PRKCZ: variants seen among roughly 807,000 people sequenced by gnomAD.
PRKCZ encodes protein kinase C zeta type.
In PRKCZ, 33 loss-of-function variants were observed where a neutral mutation model predicts 79.5. The ratio of observed to expected loss-of-function variants is 0.41; its 90% CI spans 0.31 to 0.55. The LOEUF (loss-of-function observed/expected upper bound fraction) is 0.55. PRKCZ is among the 20% of genes least tolerant of loss of function. The pLI is 0.19. For missense variants in PRKCZ, 578 were observed against 813.5 expected (o/e 0.71, Z 3.52); for synonymous variants, 342 against 320.9 (o/e 1.07, Z -0.70).
intron 10 of PRKCZ, among the ~76,000 whole-genome samples, chr1:2,161,142 G>T (rs760937232): frequency 1.4e-4 from 21 of 152,346 alleles, no homozygotes; most frequent in Non-Finnish European, 1.6e-4. Flanking sequence ...ACTGACACCC[G>T]TAGGGCCCAG....
rs116408566 is a variant in PRKCZ at position 2,184,994 on chromosome 1, C to T, written c.1764C>T (p.Thr588=). 4.0e-4 allele frequency: 638 copies of T among 1,613,126 alleles called. 2 individuals are homozygous for T. In the African/African-American group the frequency reaches 7.2e-3, roughly 18 times the overall value. The part of the protein sequence containing the change: ...FEYINPLLLS[T]EESV ...ATATCAACCCATTATTGCTGTCCAC[C>T]GAGGAGTCGGTGTGAGGCCGCGTGC... The change falls in exon 18 of 18, where the codon ACC becomes ACT. Residue 588 remains threonine (T), a synonymous_variant. Transcript: ENST00000378567.
chr1:2,085,246 G>A (rs1226296962), intron 4 of PRKCZ, among the ~76,000 whole-genome samples: 28 of 152,218 alleles, frequency 1.8e-4, no homozygotes, highest in Admixed American at 1.6e-3. Flanking sequence ...TCCGAGACAC[G>A]TTGTACCATC....
Position 2,172,035 on chromosome 1 carries a change from G to T in PRKCZ, c.1062-20G>T. On this transcript the variant is annotated intron_variant, in intron 11 of 17. Transcript: ENST00000378567. The surrounding 1 kb of genome is among the most constrained non-coding windows in gnomAD (Gnocchi z 7.8). The stretch of plus-strand genomic sequence containing the variant: ...CCTCTGGCACAGGCACTGCCCCCAT[G>T]ACGGCATCCCCACCCCCAGGTTCTA... The T allele has an allele frequency of 6.3e-7, 1 of 1,583,662 alleles. No individual in the cohort carries two copies. Among genetic ancestry groups the T allele is most frequent in the South Asian group, 1.2e-5 (1 of 85,604 alleles).
intron 4 of PRKCZ, among the ~76,000 whole-genome samples, chr1:2,115,017 G>C (rs1438139109): frequency 6.6e-6 from 1 of 152,268 alleles, no homozygotes; most frequent in Non-Finnish European, 1.5e-5. Context: ...TCCGTGTGTA[G>C]CTTGTCCTCT....
intron 16 of PRKCZ, among the ~76,000 whole-genome samples, chr1:2,176,987 A>G (rs1318871628): frequency 2.0e-5 from 3 of 152,212 alleles, no homozygotes; most frequent in Non-Finnish European, 2.9e-5. Flanking sequence ...CACCTTCGCA[A>G]ATTCTTCATT....
rs1484593228 is a variant in PRKCZ, at chr1:2,128,611, G to C, written c.335-6651G>C. Among the ~76,000 whole-genome samples, 1 of 152,184 alleles carries C rather than the reference G, an allele frequency of 6.6e-6. No homozygotes were observed. On this transcript the variant is annotated intron_variant, in intron 4 of 17. Coordinates refer to ENST00000378567, the MANE Select transcript of PRKCZ (RefSeq NM_002744.6). This position sits in a 1 kb window ranked among gnomAD's most constrained non-coding sequence, Gnocchi z 6.5. Reference sequence around the variant, plus strand: ...CTGAAAGAGGAGGAGCGGCCCCTGTGATCCCCACAATTTTGTTCCCTGCTT... The same window carrying C: ...CTGAAAGAGGAGGAGCGGCCCCTGTCATCCCCACAATTTTGTTCCCTGCTT...
intron 7 of PRKCZ, 106 bp downstream of exon 7, chr1:2,146,214 G>T: frequency 2.6e-6 from 3 of 1,148,556 alleles, no homozygotes; most frequent in Non-Finnish European, 3.8e-6. Flanking sequence ...TGCTCTGCAG[G>T]GGTCATTGTC....
intron 4 of PRKCZ, among the ~76,000 whole-genome samples, chr1:2,087,919 G>A (rs571815439): frequency 1.9e-4 from 29 of 152,222 alleles, no homozygotes; most frequent in South Asian, 4.1e-4. Context: ...CACCCGGGGA[G>A]GCCTGGCTTC....
At chr1:2,089,896 T>A (rs1255945825) in intron 4 of PRKCZ, among the ~76,000 whole-genome samples, 1 of 151,402 alleles carries the variant, frequency 6.6e-6, no homozygotes, top group African/African-American at 2.4e-5. Flanking sequence ...GAGATCCCAT[T>A]AAAAAAAATC....
rs549229341 is a variant in PRKCZ, at chr1:2,178,211, C to G, written c.1575+2898C>G. Among the ~76,000 whole-genome samples the G allele has an allele frequency of 6.6e-6, 1 of 152,354 alleles. No individual in the cohort carries two copies. Among genetic ancestry groups the G allele is most frequent in the African/African-American group, 2.4e-5 (1 of 41,574 alleles). The stretch of plus-strand genomic sequence containing the variant: ...GACCCGAACCCACTCCAGCCTCTCC[C>G]CACACCCTGCAGTGGCTGCTCCGCC... On this transcript the variant is annotated intron_variant, in intron 16 of 17. Coordinates refer to ENST00000378567, the MANE Select transcript of PRKCZ (RefSeq NM_002744.6). This position sits in a 1 kb window ranked among gnomAD's most constrained non-coding sequence, Gnocchi z 4.3.
chr1:2,127,704 G>A lies in PRKCZ; in HGVS notation c.335-7558G>A, dbSNP rs55826501. ...GCGAACGGCGTCTCCCGCGGCTCCCGGTGGCTTTTTAGGACTCTGCGTTCG... is the reference window on the plus strand; with the variant it reads ...GCGAACGGCGTCTCCCGCGGCTCCCAGTGGCTTTTTAGGACTCTGCGTTCG... On this transcript the variant is annotated intron_variant, in intron 4 of 17. Transcript: ENST00000378567. The surrounding 1 kb of genome is among the most constrained non-coding windows in gnomAD (Gnocchi z 5.1). Among the ~76,000 whole-genome samples, 35,823 of 152,158 alleles carry A rather than the reference G, an allele frequency of 0.24. 4,847 individuals carry two copies. Among genetic ancestry groups the A allele is most frequent in the Admixed American group, 0.33 (5,085 of 15,294 alleles).
chr1:2,074,243 G>A (rs1223823478), intron 4 of PRKCZ: 1 of 1,550,502 alleles, frequency 6.4e-7, no homozygotes, highest in African/African-American at 1.4e-5. Context: ...GGCAGGGGCT[G>A]CTGGAGGGAC....
At position 2,127,027 on chromosome 1, in the gene PRKCZ, C is replaced by T. The variant is rs966142544; in HGVS notation, c.335-8235C>T. 2.0e-5 allele frequency among the ~76,000 whole-genome samples: 3 copies of T among 152,244 alleles called. No individual in the cohort carries two copies. Among genetic ancestry groups the T allele is most frequent in the African/African-American group, 4.8e-5 (2 of 41,470 alleles). ...AGTCGGCAGAGCTTGGCTCCCTGTT[C>T]GCCCGACTGGCGCCTCGGCTGTGCC... On this transcript the variant is annotated intron_variant, in intron 4 of 17. Transcript: ENST00000378567. This position sits in a 1 kb window ranked among gnomAD's most constrained non-coding sequence, Gnocchi z 5.1.
intron 4 of PRKCZ, among the ~76,000 whole-genome samples, chr1:2,090,061 G>A (rs375553335): frequency 6.6e-6 from 1 of 152,246 alleles, no homozygotes; most frequent in African/African-American, 2.4e-5. Context: ...CTCCCCGTGC[G>A]GCCGTGTCCA....
chr1:2,085,926 G>T (rs560581072), intron 4 of PRKCZ, among the ~76,000 whole-genome samples: 2 of 152,188 alleles, frequency 1.3e-5, no homozygotes, highest in South Asian at 2.1e-4. Flanking sequence ...TCTTTCTCTC[G>T]CTCCCTTCTC....
rs549155076 is a variant in PRKCZ, at chr1:2,177,711, C to T, written c.1575+2398C>T. Among the ~76,000 whole-genome samples the T allele has an allele frequency of 3.1e-4, 47 of 152,322 alleles. No homozygotes were observed. The highest frequency in any genetic ancestry group is 1.0e-3 in the African/African-American group (42 of 41,572). On this transcript the variant is annotated intron_variant, in intron 16 of 17. Transcript: ENST00000378567. The surrounding 1 kb of genome is among the most constrained non-coding windows in gnomAD (Gnocchi z 6.4). ...CACACACTTGCCGCGGGCTGTCTCT[C>T]GGAAGGTAGTCAGCGGCCCTGGCTT...
At chr1:2,155,158 G>A (rs1171899693) in intron 9 of PRKCZ, among the ~76,000 whole-genome samples, 2 of 152,146 alleles carry the variant, frequency 1.3e-5, no homozygotes, top group Non-Finnish European at 2.9e-5. Context: ...TGGTGATGAT[G>A]GTGAGGTAGT....
chr1:2,092,278 G>A (rs1665654745), intron 4 of PRKCZ, among the ~76,000 whole-genome samples: 1 of 152,076 alleles, frequency 6.6e-6, no homozygotes, highest in African/African-American at 2.4e-5. Flanking sequence ...CCCCCTCTGT[G>A]TGAAGAGGAG....
At position 2,169,504 on chromosome 1, in the gene PRKCZ, C is replaced by T; in HGVS notation, c.975-14C>T. 1.9e-6 allele frequency: 3 copies of T among 1,548,878 alleles called. No homozygotes were observed. Among genetic ancestry groups the T allele is most frequent in the Non-Finnish European group, 1.7e-6 (2 of 1,145,418 alleles). On this transcript the variant is annotated splice_polypyrimidine_tract_variant and intron_variant, in intron 10 of 17. Coordinates refer to ENST00000378567, the MANE Select transcript of PRKCZ (RefSeq NM_002744.6). Reference sequence around the variant, plus strand: ...CCGAGGTGACTGCAGCCTCCGGCGCCTCTCTCCCTGCAGGTTGTTCCTGGT... The same window carrying T: ...CCGAGGTGACTGCAGCCTCCGGCGCTTCTCTCCCTGCAGGTTGTTCCTGGT...
Sources: allele counts gnomAD v4.1 joint callset (sites outside exome capture counted in the v4.1 genomes callset), GRCh38; gene constraint gnomAD v4.1.1; non-coding constraint Gnocchi (gnomAD v3.1); transcripts MANE v1.5; gene names NCBI Gene and HGNC (gene_info 2026-07-23, HGNC 2026-07-21).